IKZF5: variants seen among roughly 807,000 people sequenced by gnomAD.
The protein encoded by IKZF5 is zinc finger protein Pegasus.
IKZF5 carries 4 observed loss-of-function variants against 30.7 expected under a neutral mutation model. The ratio of observed to expected loss-of-function variants is 0.13; its 90% CI spans 0.06 to 0.30. The LOEUF (loss-of-function observed/expected upper bound fraction) is 0.30, where lower values mean the gene tolerates loss of function less well. Among genes scored for constraint, IKZF5 ranks in the 10% least tolerant of loss-of-function variants. The probability of loss-of-function intolerance (pLI) is 1.00; values close to 1 mark genes in which losing one functional copy is unlikely to be tolerated. For missense variants in IKZF5, 348 were observed against 525.5 expected (o/e 0.66, Z 3.30); for synonymous variants, 148 against 179.6 (o/e 0.82, Z 1.41).
In IKZF5 at chr10:122,993,706, G is replaced by A. The variant is rs972642927; in HGVS notation, c.*74C>T. 1 of 928,590 alleles carries A rather than the reference G, an allele frequency of 1.1e-6. No individual in the cohort carries two copies. Among genetic ancestry groups the A allele is most frequent in the African/African-American group, 1.7e-5 (1 of 60,212 alleles). The allele number at this position is 928,590 out of a possible 1,614,324, so 57.5% of individuals were successfully genotyped here. On this transcript the variant is annotated 3_prime_UTR_variant, in exon 5 of 5. Coordinates refer to ENST00000368886, the MANE Select transcript of IKZF5 (RefSeq NM_001372123.1). Reference sequence around the variant, plus strand: ...TTGAATTAGCAGACACTTTATTAGGGATGACCAAAACAAAAAACAAAAAAA... The same window carrying A: ...TTGAATTAGCAGACACTTTATTAGGAATGACCAAAACAAAAAACAAAAAAA...
At chr10:123,008,616 T>G in intron 1 of IKZF5, 78 bp downstream of exon 1, 1 of 306,940 alleles carries the variant, frequency 3.3e-6, no homozygotes, top group East Asian at 7.8e-5. Flanking sequence ...CGAACCCAGC[T>G]CCAGTCTCCG....
At chr10:122,998,409 C>A in intron 3 of IKZF5, 84 bp downstream of exon 3, 1 of 1,133,512 alleles carries the variant, frequency 8.8e-7, no homozygotes, top group South Asian at 1.6e-5. Flanking sequence ...CATTAATGCG[C>A]AGTGGTCTTC....
chr10:122,998,345 T>TA (rs753051552), intron 3 of IKZF5, 148 bp downstream of exon 3: 37 of 625,304 alleles, frequency 5.9e-5, no homozygotes, highest in Non-Finnish European at 9.4e-5. Context: ...CTGATATGTT[T>TA]AAAAAAGGGG....
chr10:123,007,684 G>T (rs993335742), intron 1 of IKZF5, among the ~76,000 whole-genome samples: 3 of 152,074 alleles, frequency 2.0e-5, no homozygotes, highest in Non-Finnish European at 4.4e-5. Flanking sequence ...ACGGTTTTCT[G>T]GGAAACATCC....
chr10:122,995,773 C>T (rs756653528), intron 4 of IKZF5, among the ~76,000 whole-genome samples: 14 of 152,258 alleles, frequency 9.2e-5, no homozygotes, highest in African/African-American at 2.4e-4. Flanking sequence ...GAGGGAAACA[C>T]GGCTAAGGAA....
At chr10:122,999,721 A>G (rs1849515049) in intron 2 of IKZF5, among the ~76,000 whole-genome samples, 1 of 152,256 alleles carries the variant, frequency 6.6e-6, no homozygotes, top group Non-Finnish European at 1.5e-5. Context: ...AAAAAGTAAA[A>G]GAAAATCCCT....
chr10:122,998,448 C>T (rs373256523), intron 3 of IKZF5, 45 bp downstream of exon 3: 295 of 1,516,416 alleles, frequency 1.9e-4, no homozygotes, highest in Middle Eastern at 1.9e-3. Context: ...AATCATAGTA[C>T]GTGTATAAAA....
chr10:122,996,495 G>A (rs934549549), intron 3 of IKZF5, among the ~76,000 whole-genome samples: 1 of 149,810 alleles, frequency 6.7e-6, no homozygotes, highest in Non-Finnish European at 1.5e-5. Context: ...TTAGAGACCA[G>A]CCTAGCCAAC....
intron 2 of IKZF5, among the ~76,000 whole-genome samples, chr10:122,999,287 A>T (rs1460974109): frequency 6.6e-6 from 1 of 152,230 alleles, no homozygotes; most frequent in Non-Finnish European, 1.5e-5. Flanking sequence ...GCTAATACAT[A>T]TGACCTGAGT....
intron 4 of IKZF5, among the ~76,000 whole-genome samples, chr10:122,995,441 T>C (rs192184943): frequency 1.2e-4 from 19 of 152,298 alleles, no homozygotes; most frequent in African/African-American, 4.3e-4. Flanking sequence ...CTTGTCACAA[T>C]TGCCCTGTCC....
chr10:122,996,269 G>T, intron 3 of IKZF5, 93 bp from the exon 4 acceptor site: 2 of 1,074,438 alleles, frequency 1.9e-6, no homozygotes, highest in South Asian at 1.5e-5. Context: ...CTTATAAATT[G>T]ACAGTTCACT....
chr10:123,000,167 C>T (rs1004412412), intron 2 of IKZF5, among the ~76,000 whole-genome samples: 8 of 152,196 alleles, frequency 5.3e-5, no homozygotes, highest in African/African-American at 1.9e-4. Flanking sequence ...ATCAGCACCA[C>T]AATCAAGAAA....
chr10:122,991,718 T>TTTG lies in IKZF5; in HGVS notation c.*2061_*2062insCAA, dbSNP rs1849168384. 1 of 152,292 alleles carries TTTG rather than the reference T, an allele frequency of 6.6e-6. No individual in the cohort carries two copies. Among genetic ancestry groups the TTTG allele is most frequent in the East Asian group, 1.9e-4 (1 of 5,188 alleles). The allele number at this position is 152,292 out of a possible 1,614,324, so 9.4% of individuals were successfully genotyped here. On this transcript the variant is annotated 3_prime_UTR_variant, in exon 5 of 5. Coordinates refer to ENST00000368886, the MANE Select transcript of IKZF5 (RefSeq NM_001372123.1). ...ACCTTTGGGATATCAACTGTGCTCT[T>TTTG]TAAGTCATGGCAAAATTATAATTTT...
chr10:122,998,791 T>G, intron 2 of IKZF5, 120 bp from the exon 3 acceptor site: 1 of 434,482 alleles, frequency 2.3e-6, no homozygotes, highest in Non-Finnish European at 4.0e-6. Context: ...TTCAGCATCT[T>G]ATAATCTTAC....
At chr10:123,000,208 C>T (rs187238134) in intron 2 of IKZF5, among the ~76,000 whole-genome samples, 3 of 152,228 alleles carry the variant, frequency 2.0e-5, no homozygotes, top group South Asian at 2.1e-4. Flanking sequence ...AGAAACCCCC[C>T]TCGTGTACCC....
chr10:123,005,492 T>C (rs912909055), intron 2 of IKZF5, among the ~76,000 whole-genome samples: 42 of 152,182 alleles, frequency 2.8e-4, no homozygotes, highest in Non-Finnish European at 4.4e-5. Context: ...GAACAAGAAA[T>C]ATACTTAAGT....
rs1849157716 is a variant in IKZF5 at position 122,991,404 on chromosome 10, TA to T, written c.*2375del. 6.6e-6 allele frequency: 1 copy of T among 152,186 alleles called. No homozygotes were observed. Among genetic ancestry groups the T allele is most frequent in the South Asian group, 2.1e-4 (1 of 4,834 alleles). 9.4% of individuals were successfully genotyped at this position (152,186 alleles called of 1,614,324 possible). On this transcript the variant is annotated 3_prime_UTR_variant, in exon 5 of 5. Transcript: ENST00000368886. ...TAAACTTATGTTCACTGAACAAAAA[TA>T]AATTTAGTTTCAGAACATTGCCTGT...
At chr10:123,001,327 T>C (rs1474142883) in intron 2 of IKZF5, among the ~76,000 whole-genome samples, 1 of 152,156 alleles carries the variant, frequency 6.6e-6, no homozygotes, top group African/African-American at 2.4e-5. Flanking sequence ...AATGGTAATT[T>C]TTGATGAACA....
chr10:123,005,631 T>C (rs1413496266), intron 2 of IKZF5, among the ~76,000 whole-genome samples: 1 of 152,202 alleles, frequency 6.6e-6, no homozygotes, highest in East Asian at 1.9e-4. Flanking sequence ...ACCCCCAATT[T>C]GATGGCATCT....
Sources: gnomAD v4.1 joint callset for allele counts (sites outside exome capture counted in the v4.1 genomes callset) on GRCh38, gnomAD v4.1.1 for gene constraint, MANE v1.5 for transcripts, NCBI Gene and HGNC (gene_info 2026-07-23, HGNC 2026-07-21) for gene names.